METTL15: variants seen among roughly 807,000 people sequenced by gnomAD.
The protein encoded by METTL15 is 12S rRNA N(4)-cytidine methyltransferase METTL15.
Under a neutral mutation model 38.3 loss-of-function variants are expected in METTL15, and 34 were observed. The ratio of observed to expected loss-of-function variants is 0.89; its 90% CI spans 0.68 to 1.18. METTL15 has a LOEUF of 1.18. METTL15 is among the 50% of genes most tolerant of loss of function. The probability of loss-of-function intolerance (pLI) is 0.00; values close to 1 mark genes in which losing one functional copy is unlikely to be tolerated. For missense variants in METTL15, 438 were observed against 498.4 expected (o/e 0.88, Z 1.15); for synonymous variants, 162 against 170.9 (o/e 0.95, Z 0.41).
chr11:28,294,599 GTAAT>G (rs969889815), intron 5 of METTL15, among the ~76,000 whole-genome samples: 11 of 152,108 alleles, frequency 7.2e-5, no homozygotes, highest in African/African-American at 2.7e-4. Context: ...TCACTGGAAG[GTAAT>G]TAATTGTGTC....
At chr11:28,142,310 CT>C (rs1046432204) in intron 3 of METTL15, among the ~76,000 whole-genome samples, 9 of 152,044 alleles carry the variant, frequency 5.9e-5, no homozygotes. Flanking sequence ...TTCAAAGTTA[CT>C]TTTCTAGTAA....
intron 1 of METTL15, among the ~76,000 whole-genome samples, chr11:28,109,940 A>C (rs1178844210): frequency 6.6e-6 from 1 of 152,206 alleles, no homozygotes; most frequent in Non-Finnish European, 1.5e-5. Context: ...TAGTTTCTAA[A>C]CATAGAGCTA....
intron 3 of METTL15, among the ~76,000 whole-genome samples, chr11:28,155,847 G>T (rs1403865537): frequency 6.6e-6 from 1 of 152,134 alleles, no homozygotes; most frequent in Non-Finnish European, 1.5e-5. Flanking sequence ...ATGGTAGCTA[G>T]TATTACAATT....
intron 6 of METTL15, among the ~76,000 whole-genome samples, chr11:28,465,748 C>T (rs987123964): frequency 9.2e-5 from 14 of 152,150 alleles, no homozygotes; most frequent in African/African-American, 3.4e-4. Context: ...GCAAGATTCT[C>T]CTATTGACAT....
intron 4 of METTL15, among the ~76,000 whole-genome samples, chr11:28,239,195 C>G (rs1854176015): frequency 6.6e-6 from 1 of 152,176 alleles, no homozygotes; most frequent in African/African-American, 2.4e-5. Flanking sequence ...TTCCACTTAG[C>G]TGGCTAATAG....
At chr11:28,319,004 G>T (rs887699406) in intron 6 of METTL15, among the ~76,000 whole-genome samples, 6 of 152,100 alleles carry the variant, frequency 3.9e-5, no homozygotes, top group Non-Finnish European at 8.8e-5. Flanking sequence ...AAAGCCAAAG[G>T]TATTCATTAT....
At chr11:28,499,890 C>A (rs1851568148) in intron 6 of METTL15, among the ~76,000 whole-genome samples, 1 of 152,140 alleles carries the variant, frequency 6.6e-6, no homozygotes, top group African/African-American at 2.4e-5. Context: ...GACAGCCTGC[C>A]AAACTGAAAT....
intron 6 of METTL15, among the ~76,000 whole-genome samples, chr11:28,481,727 C>A (rs923946420): frequency 6.6e-6 from 1 of 152,266 alleles, no homozygotes; most frequent in East Asian, 1.9e-4. Context: ...GGCTGCTCAG[C>A]GCTGCCTGTG....
chr11:28,427,145 C>G (rs1019426240), intron 6 of METTL15, among the ~76,000 whole-genome samples: 1 of 152,092 alleles, frequency 6.6e-6, no homozygotes, highest in African/African-American at 2.4e-5. Context: ...TTTCAATTTT[C>G]TTCATTTGGC....
chr11:28,308,892 G>GTAAA (rs1555031566), intron 6 of METTL15, among the ~76,000 whole-genome samples: 2 of 146,896 alleles, frequency 1.4e-5, no homozygotes, highest in African/African-American at 2.5e-5. Flanking sequence ...AGGTAGGTAG[G>GTAAA]TAGATAGATA....
intron 6 of METTL15, among the ~76,000 whole-genome samples, chr11:28,437,472 A>G (rs1160664526): frequency 6.6e-6 from 1 of 152,160 alleles, no homozygotes; most frequent in Non-Finnish European, 1.5e-5. Context: ...ATATCCTTCA[A>G]CTGGTCAGAT....
At chr11:28,235,806 C>A (rs1240319725) in intron 4 of METTL15, among the ~76,000 whole-genome samples, 1 of 152,164 alleles carries the variant, frequency 6.6e-6, no homozygotes, top group Non-Finnish European at 1.5e-5. Flanking sequence ...ATTTCCTTCT[C>A]CTGCCTCATT....
chr11:28,512,488 G>A (rs2133501828), intron 6 of METTL15, among the ~76,000 whole-genome samples: 1 of 152,328 alleles, frequency 6.6e-6, no homozygotes, highest in Admixed American at 6.5e-5. Context: ...TGGGGAGGCA[G>A]CTAAGGCCCG....
At chr11:28,217,721 G>T (rs183009425) in intron 4 of METTL15, among the ~76,000 whole-genome samples, 2 of 152,094 alleles carry the variant, frequency 1.3e-5, no homozygotes, top group Non-Finnish European at 2.9e-5. Flanking sequence ...AATCCATTTG[G>T]AATTAATTTT....
intron 6 of METTL15, among the ~76,000 whole-genome samples, chr11:28,512,233 C>T (rs1417894891): frequency 6.6e-6 from 1 of 152,214 alleles, no homozygotes; most frequent in Non-Finnish European, 1.5e-5. Context: ...AAAGGTTCTC[C>T]AAGTCCCCAC....
Position 28,122,349 on chromosome 11 carries a change from G to A in METTL15, c.270+8745G>A, listed in dbSNP as rs1019926554. On this transcript the variant is annotated intron_variant, in intron 3 of 6. Coordinates refer to ENST00000407364, the MANE Select transcript of METTL15 (RefSeq NM_001113528.2). ...TGTGTGTATATGTGTGTGTGTGTGT[G>A]TGTGTGTGTGTGTGTGTGTGTGTAT... 3.8e-3 allele frequency among the ~76,000 whole-genome samples: 375 copies of A among 98,082 alleles called. 2 individuals are homozygous for A. The highest frequency in any genetic ancestry group is 0.016 in the African/African-American group (326 of 20,780). The allele number at this position is 98,082 out of a possible 152,430, so 64.3% of individuals were successfully genotyped here. A position where few individuals can be genotyped will look rare whatever the true frequency, so the allele number is the denominator to read the frequency against.
intron 6 of METTL15, among the ~76,000 whole-genome samples, chr11:28,441,337 ATAAAT>A (rs1387988095): frequency 6.6e-6 from 1 of 152,082 alleles, no homozygotes; most frequent in Non-Finnish European, 1.5e-5. Context: ...TTATTAAATA[ATAAAT>A]TAATCACAAT....
intron 3 of METTL15, among the ~76,000 whole-genome samples, chr11:28,123,092 G>T (rs1345147390): frequency 1.3e-5 from 2 of 152,024 alleles, no homozygotes; most frequent in African/African-American, 2.4e-5. Flanking sequence ...AAATAGACAT[G>T]ACCCAGGCAG....
At chr11:28,204,206 G>T (rs1269667714) in intron 3 of METTL15, among the ~76,000 whole-genome samples, 1 of 151,940 alleles carries the variant, frequency 6.6e-6, no homozygotes, top group Non-Finnish European at 1.5e-5. Context: ...TTCCTCAAAT[G>T]CTGGTTTGTA....
Sources: gnomAD v4.1 joint callset for allele counts (sites outside exome capture counted in the v4.1 genomes callset) on GRCh38, gnomAD v4.1.1 for gene constraint, MANE v1.5 for transcripts, NCBI Gene and HGNC (gene_info 2026-07-23, HGNC 2026-07-21) for gene names.